NUP160: variants seen among roughly 807,000 people sequenced by gnomAD.
The protein encoded by NUP160 is nucleoporin 160.
A neutral mutation model predicts 196.9 loss-of-function variants in NUP160; 94 were observed. The ratio of observed to expected loss-of-function variants is 0.48; its 90% CI spans 0.40 to 0.57. The LOEUF is 0.57. Among genes scored for constraint, NUP160 ranks in the 20% least tolerant of loss-of-function variants. NUP160 has a pLI of 0.00. For missense variants in NUP160, 1,638 were observed against 1,748.3 expected (o/e 0.94, Z 1.13); for synonymous variants, 605 against 619.7 (o/e 0.98, Z 0.35).
chr11:47,841,011 C>T (rs956319455), intron 2 of NUP160, among the ~76,000 whole-genome samples: 1 of 138,684 alleles, frequency 7.2e-6, no homozygotes, highest in Non-Finnish European at 1.5e-5. Context: ...TGCATGCGCA[C>T]ACATATACAC....
intron 7 of NUP160, among the ~76,000 whole-genome samples, chr11:47,823,536 C>T (rs1198527460): frequency 6.6e-6 from 1 of 151,804 alleles, no homozygotes; most frequent in African/African-American, 2.4e-5. Context: ...CATTTCCTTC[C>T]TTTTTTCTTT....
rs1334310549 is a variant in NUP160 at position 47,837,014 on chromosome 11, A to C, written c.828-13T>G. The C allele has an allele frequency of 6.6e-7, 1 of 1,519,508 alleles. No individual in the cohort carries two copies. The highest frequency in any genetic ancestry group is 9.1e-7 in the Non-Finnish European group (1 of 1,099,546). 94.1% of individuals were successfully genotyped at this position (1,519,508 alleles called of 1,614,324 possible). A position where few individuals can be genotyped will look rare whatever the true frequency, so the allele number is the denominator to read the frequency against. ...CGACTGGTCACCCCTAAAACATAAG[A>C]CCCAGTTTTAGAGTTTTACTGCTGC... On this transcript the variant is annotated splice_polypyrimidine_tract_variant and intron_variant, in intron 5 of 35. Coordinates refer to ENST00000378460, the Ensembl canonical transcript of NUP160.
chr11:47,838,017 G>A (rs1852210069), intron 4 of NUP160, among the ~76,000 whole-genome samples: 1 of 152,184 alleles, frequency 6.6e-6, no homozygotes, highest in Admixed American at 6.5e-5. Context: ...ATTCCTTTGG[G>A]GGAAGGGGAG....
At chr11:47,830,450 T>C (rs576199037) in intron 7 of NUP160, among the ~76,000 whole-genome samples, 4 of 152,118 alleles carry the variant, frequency 2.6e-5, no homozygotes, top group Non-Finnish European at 4.4e-5. Flanking sequence ...AGCAAAGACA[T>C]AGAATCAACC....
At chr11:47,829,530 T>C (rs943843536) in intron 7 of NUP160, among the ~76,000 whole-genome samples, 1 of 152,134 alleles carries the variant, frequency 6.6e-6, no homozygotes, top group Non-Finnish European at 1.5e-5. Flanking sequence ...TGGTCTCAAA[T>C]ACCTGGCCTC....
In NUP160 at chr11:47,835,723, T is replaced by C. The variant is rs137995231; in HGVS notation, c.1029A>G (p.Lys343=). ...TGGTGGGGGAATAAGCAAGCCGTAATTTGTGTCCAGTTCCAGCAGTAAGCC... is the reference window on the plus strand; with the variant it reads ...TGGTGGGGGAATAAGCAAGCCGTAACTTGTGTCCAGTTCCAGCAGTAAGCC... Residue 343 remains lysine, a synonymous_variant, in exon 7 of 36, where the codon AAA becomes AAG. Coordinates refer to ENST00000378460, the Ensembl canonical transcript of NUP160. The C allele has an allele frequency of 5.1e-5, 82 of 1,607,126 alleles. No homozygotes were observed. The highest frequency in any genetic ancestry group is 1.5e-4 in the Admixed American group (9 of 59,118).
exon 19 of NUP160, chr11:47,807,134 A>G (rs1391041968): frequency 1.9e-6 from 3 of 1,607,930 alleles, no homozygotes; most frequent in Admixed American, 3.3e-5. Context: ...GTTGGAGATT[A>G]GACTCCCTGT....
At chr11:47,808,648 G>T in intron 17 of NUP160, 119 bp from the exon 18 acceptor site, 1 of 686,068 alleles carries the variant, frequency 1.5e-6, no homozygotes, top group Non-Finnish European at 2.2e-6. Context: ...TACTGTAAAA[G>T]CAACACGTTT....
chr11:47,812,933 G>C, exon 15 of NUP160: 5 of 1,613,534 alleles, frequency 3.1e-6, no homozygotes, highest in Non-Finnish European at 4.2e-6. Flanking sequence ...CTTTTCCGGA[G>C]ACTGTAGGTT....
At chr11:47,814,170 A>C (rs907194525) in intron 13 of NUP160, among the ~76,000 whole-genome samples, 1 of 151,528 alleles carries the variant, frequency 6.6e-6, no homozygotes, top group Admixed American at 6.6e-5. Flanking sequence ...ACAAACAAAA[A>C]AAAGAAACAA....
intron 7 of NUP160, among the ~76,000 whole-genome samples, chr11:47,831,202 G>A (rs971169856): frequency 6.6e-6 from 1 of 151,984 alleles, no homozygotes; most frequent in African/African-American, 2.4e-5. Flanking sequence ...AGCAAATGAT[G>A]TGAATAAACA....
At chr11:47,834,456 A>C (rs974953377) in intron 7 of NUP160, among the ~76,000 whole-genome samples, 8 of 152,176 alleles carry the variant, frequency 5.3e-5, no homozygotes, top group Non-Finnish European at 1.0e-4. Flanking sequence ...AATTATGTGC[A>C]ATCAAGATAA....
At chr11:47,784,967 C>G (rs1439981629) in exon 33 of NUP160, 1 of 1,605,534 alleles carries the variant, frequency 6.2e-7, no homozygotes, top group Non-Finnish European at 8.5e-7. Context: ...CTCCATGAGA[C>G]AAGAGCTTGT....
rs568441467 is a variant in NUP160, at chr11:47,807,016, A to T, written c.2446+54T>A. ...AGGTGGCAAAAGACCACTTTAATGA[A>T]TATGCAATAAATCCCCAGTTTAAAA... On this transcript the variant is annotated intron_variant, in intron 19 of 35. Coordinates refer to ENST00000378460, the Ensembl canonical transcript of NUP160. 153 of 1,296,970 alleles carry T rather than the reference A, an allele frequency of 1.2e-4. 3 individuals are homozygous for T. The South Asian group carries it at 1.4e-3, about 12-fold the overall frequency. The allele number at this position is 1,296,970 out of a possible 1,614,324, so 80.3% of individuals were successfully genotyped here.
intron 23 of NUP160, among the ~76,000 whole-genome samples, chr11:47,800,791 G>T (rs1351344152): frequency 6.6e-6 from 1 of 152,150 alleles, no homozygotes. Flanking sequence ...TTACTTTCTG[G>T]TGGGAAATCC....
intron 7 of NUP160, 97 bp from the exon 8 acceptor site, chr11:47,822,261 A>AT (rs898451751): frequency 0.042 from 25,045 of 597,596 alleles, 9 homozygotes; most frequent in East Asian, 0.053. Flanking sequence ...TTAAAAAAAA[A>AT]TTTTTTTTTT....
At chr11:47,824,405 A>G (rs1851927169) in intron 7 of NUP160, among the ~76,000 whole-genome samples, 1 of 151,816 alleles carries the variant, frequency 6.6e-6, no homozygotes, top group Non-Finnish European at 1.5e-5. Context: ...GGAGATCGAG[A>G]CCATCCTGAC....
intron 11 of NUP160, among the ~76,000 whole-genome samples, 186 bp from the exon 12 acceptor site, chr11:47,816,215 A>G (rs150324642): frequency 8.2e-4 from 125 of 152,370 alleles, no homozygotes; most frequent in African/African-American, 3.0e-3. Context: ...TGACCTGGAA[A>G]GATTCTTAAA....
At chr11:47,826,455 C>T (rs951576278) in intron 7 of NUP160, among the ~76,000 whole-genome samples, 1 of 152,132 alleles carries the variant, frequency 6.6e-6, no homozygotes, top group African/African-American at 2.4e-5. Context: ...TCCTGAACTA[C>T]TACATTCATT....
Sources: allele counts gnomAD v4.1 joint callset (sites outside exome capture counted in the v4.1 genomes callset), GRCh38; gene constraint gnomAD v4.1.1; transcripts MANE v1.5; gene names NCBI Gene and HGNC (gene_info 2026-07-23, HGNC 2026-07-21).